KCNIP4: variants seen among roughly 807,000 people sequenced by gnomAD.
The protein encoded by KCNIP4 is potassium voltage-gated channel interacting protein 4.
KCNIP4 carries 12 observed loss-of-function variants against 34.0 expected under a neutral mutation model. The observed-to-expected ratio is 0.35, with a 90% CI of 0.23 to 0.57. KCNIP4 has a LOEUF of 0.57. KCNIP4 is among the 20% of genes least tolerant of loss of function. The pLI, the probability that KCNIP4 is intolerant of heterozygous loss-of-function variation, is 0.83. For synonymous variants in KCNIP4, 124 were observed against 102.2 expected, an observed-to-expected ratio of 1.21 and a Z score of -1.29; for missense variants, 238 against 311.7, an observed-to-expected ratio of 0.76 and a Z score of 1.78.
intron 1 of KCNIP4, among the ~76,000 whole-genome samples, chr4:21,609,478 C>T (rs146940735): frequency 2.0e-5 from 3 of 152,276 alleles, no homozygotes; most frequent in African/African-American, 4.8e-5. Context: ...CAAGGACAGC[C>T]TGTATGTCTA....
chr4:20,943,368 G>A (rs1731851997), intron 1 of KCNIP4, among the ~76,000 whole-genome samples: 2 of 152,146 alleles, frequency 1.3e-5, no homozygotes, highest in South Asian at 2.1e-4. Context: ...TGAAGGTTGA[G>A]CATCTATTAA....
chr4:21,001,423 T>C (rs1485694700), intron 1 of KCNIP4, among the ~76,000 whole-genome samples: 1 of 152,164 alleles, frequency 6.6e-6, no homozygotes, highest in African/African-American at 2.4e-5. Flanking sequence ...GCTCTTAATG[T>C]TTATTTGGGT....
intron 1 of KCNIP4, among the ~76,000 whole-genome samples, chr4:21,295,918 GTGAA>G (rs3080876): frequency 0.34 from 51,191 of 150,958 alleles, 9,022 homozygotes; most frequent in Middle Eastern, 0.43. Flanking sequence ...CATGCAGTTA[GTGAA>G]TGAATGAATG....
intron 1 of KCNIP4, among the ~76,000 whole-genome samples, chr4:21,320,853 C>T (rs62294090): frequency 0.017 from 2,648 of 151,608 alleles, 38 homozygotes; most frequent in Middle Eastern, 0.031. Context: ...TGCCTGTAAT[C>T]CCAGCTACTC....
At chr4:21,363,734 G>A (rs185380380) in intron 1 of KCNIP4, among the ~76,000 whole-genome samples, 1 of 152,194 alleles carries the variant, frequency 6.6e-6, no homozygotes, top group East Asian at 1.9e-4. Flanking sequence ...AGAATCCAAA[G>A]CTTGATATCA....
At chr4:21,385,953 G>C (rs777769547) in intron 1 of KCNIP4, among the ~76,000 whole-genome samples, 2 of 152,134 alleles carry the variant, frequency 1.3e-5, no homozygotes, top group Non-Finnish European at 2.9e-5. Flanking sequence ...AACTTTGGGA[G>C]AACTGGGACA....
chr4:21,471,300 T>C (rs1730451208), intron 1 of KCNIP4, among the ~76,000 whole-genome samples: 1 of 152,290 alleles, frequency 6.6e-6, no homozygotes. Flanking sequence ...TCAGATTCTC[T>C]TCCCTCATTT....
intron 1 of KCNIP4, among the ~76,000 whole-genome samples, chr4:21,806,100 C>G (rs1180488229): frequency 2.6e-5 from 4 of 152,086 alleles, no homozygotes; most frequent in African/African-American, 4.8e-5. Context: ...GTTTTTTCTG[C>G]CTTTCATATG....
At chr4:21,095,031 G>A (rs1234279650) in intron 1 of KCNIP4, among the ~76,000 whole-genome samples, 1 of 152,100 alleles carries the variant, frequency 6.6e-6, no homozygotes, top group East Asian at 1.9e-4. Context: ...AAAAAGAAAT[G>A]CTAAAATTCA....
intron 1 of KCNIP4, among the ~76,000 whole-genome samples, chr4:20,978,972 T>A (rs1387570956): frequency 6.6e-6 from 1 of 152,188 alleles, no homozygotes; most frequent in Non-Finnish European, 1.5e-5. Context: ...TAAAGTTAGA[T>A]AATGAATATA....
At chr4:20,814,514 C>T (rs758029154) in intron 3 of KCNIP4, among the ~76,000 whole-genome samples, 41 of 152,164 alleles carry the variant, frequency 2.7e-4, no homozygotes, top group Admixed American at 9.8e-4. Flanking sequence ...CTAGACGTTC[C>T]TGGGTTTATT....
intron 1 of KCNIP4, among the ~76,000 whole-genome samples, chr4:21,585,049 G>A (rs1455076112): frequency 6.6e-6 from 1 of 152,044 alleles, no homozygotes; most frequent in African/African-American, 2.4e-5. Context: ...CTTACACTTA[G>A]CACAGGATTT....
At chr4:21,666,218 G>A (rs559625816) in intron 1 of KCNIP4, among the ~76,000 whole-genome samples, 1 of 152,288 alleles carries the variant, frequency 6.6e-6, no homozygotes, top group African/African-American at 2.4e-5. Flanking sequence ...CATTACTTAG[G>A]TAACACTGCT....
chr4:21,618,656 A>G (rs1158187913), intron 1 of KCNIP4, among the ~76,000 whole-genome samples: 1 of 89,242 alleles, frequency 1.1e-5, no homozygotes, highest in Non-Finnish European at 2.1e-5. Context: ...TTTTTGAGAG[A>G]GAGTCTCGCT....
chr4:21,831,529 C>T (rs771415438), intron 1 of KCNIP4, among the ~76,000 whole-genome samples: 3 of 151,746 alleles, frequency 2.0e-5, no homozygotes, highest in Non-Finnish European at 4.4e-5. Context: ...AACAATTATA[C>T]ACTAACAAAT....
intron 1 of KCNIP4, among the ~76,000 whole-genome samples, chr4:21,813,000 G>A (rs1167534042): frequency 6.6e-6 from 1 of 152,108 alleles, no homozygotes; most frequent in Non-Finnish European, 1.5e-5. Flanking sequence ...TAAATCCTGT[G>A]CCTAGGTCCA....
At chr4:21,045,355 A>G (rs73802436) in intron 1 of KCNIP4, among the ~76,000 whole-genome samples, 11 of 152,358 alleles carry the variant, frequency 7.2e-5, no homozygotes, top group African/African-American at 2.4e-4. Flanking sequence ...AGGCTCCCAG[A>G]TGATGCTAAT....
chr4:20,769,208 T>C (rs1755663400), intron 3 of KCNIP4, among the ~76,000 whole-genome samples: 1 of 152,168 alleles, frequency 6.6e-6, no homozygotes, highest in African/African-American at 2.4e-5. Flanking sequence ...TGAGAACTAA[T>C]TGGCATTATG....
chr4:21,280,302 A>G (rs1427019562), intron 1 of KCNIP4, among the ~76,000 whole-genome samples: 2 of 152,190 alleles, frequency 1.3e-5, no homozygotes, highest in Non-Finnish European at 2.9e-5. Flanking sequence ...AGTTTTCTAT[A>G]TTTATTGAAA....
Sources: allele counts gnomAD v4.1 joint callset (sites outside exome capture counted in the v4.1 genomes callset), GRCh38; gene constraint gnomAD v4.1.1; transcripts MANE v1.5; gene names NCBI Gene and HGNC (gene_info 2026-07-23, HGNC 2026-07-21).